Variants in CSDC2 observed in about 807,000 individuals in gnomAD.
CSDC2 encodes the protein cold shock domain containing C2, also known as cold shock domain-containing protein C2.
CSDC2 carries 8 observed loss-of-function variants against 15.8 expected under a neutral mutation model. The observed-to-expected ratio is 0.51, with a 90% CI of 0.30 to 0.92. CSDC2 has a LOEUF of 0.92. CSDC2 is among the 40% of genes least tolerant of loss of function. The probability of loss-of-function intolerance (pLI) is 0.07; values close to 1 mark genes in which losing one functional copy is unlikely to be tolerated. For missense variants in CSDC2, 195 were observed against 213.3 expected, an observed-to-expected ratio of 0.91 and a Z score of 0.53; for synonymous variants, 96 against 92.3, an observed-to-expected ratio of 1.04 and a Z score of -0.23.
intron 1 of CSDC2, among the ~76,000 whole-genome samples, chr22:41,567,610 C>A (rs558636145): frequency 6.0e-4 from 91 of 152,338 alleles, no homozygotes; most frequent in African/African-American, 2.1e-3. Context: ...AGCCCACGCC[C>A]TGGCAGGGCC....
At chr22:41,573,189 A>G (rs1031100407) in intron 2 of CSDC2, among the ~76,000 whole-genome samples, 1 of 152,038 alleles carries the variant, frequency 6.6e-6, no homozygotes, top group Non-Finnish European at 1.5e-5. Context: ...CCCTGTCTCT[A>G]CTAAAAATGC....
intron 1 of CSDC2, among the ~76,000 whole-genome samples, chr22:41,562,895 T>G (rs1290552402): frequency 6.6e-6 from 1 of 152,120 alleles, no homozygotes; most frequent in Non-Finnish European, 1.5e-5. Context: ...AGATGCTGTA[T>G]GTATGTATGA....
intron 2 of CSDC2, among the ~76,000 whole-genome samples, chr22:41,572,971 C>G (rs528360201): frequency 1.3e-5 from 2 of 152,120 alleles, no homozygotes; most frequent in Admixed American, 1.3e-4. Flanking sequence ...AACTTCCTGG[C>G]CTTCAGCAAT....
intron 1 of CSDC2, 104 bp from the exon 2 acceptor site, chr22:41,571,739 C>CGCCGTGAGGATAGCAGGTGGG: frequency 2.8e-6 from 1 of 358,764 alleles, no homozygotes; most frequent in Non-Finnish European, 4.9e-6. Context: ...CTTGAAGTAA[C>CGCCGTGAGGATAGCAGGTGGG]GCCGTGAGGA....
chr22:41,561,731 C>T (rs938103101), intron 1 of CSDC2, among the ~76,000 whole-genome samples: 1 of 152,280 alleles, frequency 6.6e-6, no homozygotes, highest in East Asian at 1.9e-4. Flanking sequence ...GAGGTGGCTC[C>T]GTGTGGTTAT....
intron 3 of CSDC2, among the ~76,000 whole-genome samples, chr22:41,574,392 A>C (rs546942827): frequency 6.6e-6 from 1 of 152,172 alleles, no homozygotes; most frequent in Non-Finnish European, 1.5e-5. Context: ...CAGCCTCCCA[A>C]GTAGCTGGAA....
Position 41,561,016 on chromosome 22 carries a change from C to T in CSDC2, c.-291C>T, listed in dbSNP as rs2067079522. On this transcript the variant is annotated 5_prime_UTR_variant, in exon 1 of 4. Transcript: ENST00000306149. Reference sequence around the variant, plus strand: ...GGAAGGCGTGTGAGTGAGTGAGGGGCTGAGGTACCGCCCGCGCGAGCACAC... The same window carrying T: ...GGAAGGCGTGTGAGTGAGTGAGGGGTTGAGGTACCGCCCGCGCGAGCACAC... 1 of 150,896 alleles carries T rather than the reference C, an allele frequency of 6.6e-6. No homozygotes were observed. Among genetic ancestry groups the T allele is most frequent in the African/African-American group, 2.5e-5 (1 of 39,856 alleles). The allele number at this position is 150,896 out of a possible 1,614,324, so 9.3% of individuals were successfully genotyped here.
intron 3 of CSDC2, among the ~76,000 whole-genome samples, chr22:41,574,001 C>T (rs1262819281): frequency 1.3e-5 from 2 of 152,228 alleles, no homozygotes; most frequent in East Asian, 1.9e-4. Context: ...CGGCTGGGCC[C>T]TGGATCCTGT....
At chr22:41,568,998 T>TCCTCCTC (rs1341706486) in intron 1 of CSDC2, among the ~76,000 whole-genome samples, 1 of 152,172 alleles carries the variant, frequency 6.6e-6, no homozygotes, top group African/African-American at 2.4e-5. Context: ...CCCCTCTCCA[T>TCCTCCTC]CCTCCTCTTC....
intron 3 of CSDC2, among the ~76,000 whole-genome samples, chr22:41,574,508 G>A (rs560797521): frequency 1.2e-4 from 19 of 152,098 alleles, no homozygotes; most frequent in Non-Finnish European, 2.4e-4. Context: ...CAGGTGATCC[G>A]CCCGCCTCAG....
In CSDC2 at chr22:41,576,427, G is replaced by A. The variant is rs1423385936; in HGVS notation, c.*1532G>A. 1 of 152,494 alleles carries A rather than the reference G, an allele frequency of 6.6e-6. No individual in the cohort carries two copies. Among genetic ancestry groups the A allele is most frequent in the Non-Finnish European group, 1.5e-5 (1 of 68,284 alleles). The allele number at this position is 152,494 out of a possible 1,614,324, so 9.4% of individuals were successfully genotyped here. A position where few individuals can be genotyped will look rare whatever the true frequency, so the allele number is the denominator to read the frequency against. The stretch of plus-strand genomic sequence containing the variant: ...CCTTGAGAGAGGGCTTGTTGGTGAG[G>A]GCTGACTCCTGGGGGCCCCCAAGGC... On this transcript the variant is annotated 3_prime_UTR_variant, in exon 4 of 4. Coordinates refer to ENST00000306149, the MANE Select transcript of CSDC2 (RefSeq NM_014460.4).
Position 41,575,014 on chromosome 22 carries a change from C to A in CSDC2, c.*119C>A. The A allele has an allele frequency of 8.5e-7, 1 of 1,175,272 alleles. No homozygotes were observed. Among genetic ancestry groups the A allele is most frequent in the Non-Finnish European group, 1.2e-6 (1 of 843,816 alleles). The allele number at this position is 1,175,272 out of a possible 1,614,324, so 72.8% of individuals were successfully genotyped here. ...TGAGTCCTTCGGTGGCCTCAGTGTG[C>A]ACGTCTGTCTGTCCGTCTGTGCTTG... On this transcript the variant is annotated 3_prime_UTR_variant, in exon 4 of 4. Transcript: ENST00000306149.
intron 1 of CSDC2, among the ~76,000 whole-genome samples, chr22:41,564,353 G>C (rs149474478): frequency 6.6e-6 from 1 of 152,048 alleles, no homozygotes; most frequent in South Asian, 2.1e-4. Context: ...TCCGTCTCCC[G>C]GGTTCACACC....
Position 41,574,718 on chromosome 22 carries a change from C to T in CSDC2, c.300-15C>T. 1 of 1,612,746 alleles carries T rather than the reference C, an allele frequency of 6.2e-7. No homozygotes were observed. Among genetic ancestry groups the T allele is most frequent in the Non-Finnish European group, 8.5e-7 (1 of 1,179,670 alleles). On this transcript the variant is annotated splice_polypyrimidine_tract_variant and intron_variant, in intron 3 of 3. Transcript: ENST00000306149. Reference sequence around the variant, plus strand: ...GGCCTGCTGCTGGGCTAATACCCCTCTTCCTGCCCGCCAGCATCGAGGGGG... The same window carrying T: ...GGCCTGCTGCTGGGCTAATACCCCTTTTCCTGCCCGCCAGCATCGAGGGGG...
intron 1 of CSDC2, among the ~76,000 whole-genome samples, chr22:41,562,967 T>G (rs906463146): frequency 6.6e-6 from 1 of 151,982 alleles, no homozygotes; most frequent in Admixed American, 6.6e-5. Context: ...TTGCCTAGGG[T>G]CGCACAGCCA....
At chr22:41,566,524 G>A (rs1569047391) in intron 1 of CSDC2, among the ~76,000 whole-genome samples, 1 of 150,458 alleles carries the variant, frequency 6.6e-6, no homozygotes, top group Admixed American at 6.6e-5. Flanking sequence ...CCAGCTACTT[G>A]GGAGTTTGAG....
intron 2 of CSDC2, among the ~76,000 whole-genome samples, chr22:41,572,655 G>C (rs1375795932): frequency 6.6e-6 from 1 of 152,102 alleles, no homozygotes; most frequent in East Asian, 1.9e-4. Context: ...CCCAGCATGG[G>C]GTACCAGAGG....
intron 1 of CSDC2, among the ~76,000 whole-genome samples, chr22:41,565,959 G>A (rs2145596676): frequency 6.6e-6 from 1 of 152,224 alleles, no homozygotes; most frequent in Admixed American, 6.5e-5. Context: ...CGACAACCTG[G>A]GTAGGATGTT....
chr22:41,563,321 G>T, intron 1 of CSDC2, among the ~76,000 whole-genome samples: 1 of 152,128 alleles, frequency 6.6e-6, no homozygotes, highest in Middle Eastern at 3.4e-3. Context: ...GCTCCTGCCC[G>T]GGGGTCCTGA....
Sources: allele counts gnomAD v4.1 joint callset (sites outside exome capture counted in the v4.1 genomes callset), GRCh38; gene constraint gnomAD v4.1.1; transcripts MANE v1.5; gene names NCBI Gene and HGNC (gene_info 2026-07-23, HGNC 2026-07-21).